Variants in GALNT13 observed in about 807,000 individuals in gnomAD.
GALNT13 encodes the protein polypeptide N-acetylgalactosaminyltransferase 13, also known as UDP-GalNAc:polypeptide N-acetylgalactosaminyltransferase 13.
GALNT13 carries 28 observed loss-of-function variants against 64.2 expected under a neutral mutation model. That is an observed-to-expected ratio of 0.44 (90% CI 0.32 to 0.60). The LOEUF (loss-of-function observed/expected upper bound fraction) is 0.60. GALNT13 is among the 20% of genes least tolerant of loss of function. The probability of loss-of-function intolerance (pLI) is 0.05; values close to 1 mark genes in which losing one functional copy is unlikely to be tolerated. For synonymous variants in GALNT13, 214 were observed against 224.6 expected (o/e 0.95, Z 0.42); for missense variants, 577 against 669.8 (o/e 0.86, Z 1.53).
intron 9 of GALNT13, among the ~76,000 whole-genome samples, chr2:154,342,380 T>TA (rs1283744741): frequency 6.6e-6 from 1 of 152,100 alleles, no homozygotes; most frequent in Non-Finnish European, 1.5e-5. Flanking sequence ...ACATTAATCT[T>TA]AAACTCCTTA....
the GALNT13 span, among the ~76,000 whole-genome samples, chr2:153,494,801 C>T: frequency 2.0e-5 from 3 of 151,872 alleles, no homozygotes; most frequent in East Asian, 3.9e-4. Flanking sequence ...AAAACTTTAG[C>T]AAAACAAAAG....
chr2:154,002,704 C>A (rs898135613), intron 3 of GALNT13, among the ~76,000 whole-genome samples: 1 of 152,076 alleles, frequency 6.6e-6, no homozygotes, highest in Non-Finnish European at 1.5e-5. Context: ...TCCTGATTTT[C>A]CCTTGTGTCT....
intron 3 of GALNT13, among the ~76,000 whole-genome samples, chr2:153,963,613 T>G (rs915149150): frequency 6.6e-6 from 1 of 152,114 alleles, no homozygotes; most frequent in Non-Finnish European, 1.5e-5. Context: ...TTTTAGCCAT[T>G]TTACTGAGTT....
chr2:153,070,798 TA>T, the GALNT13 span, among the ~76,000 whole-genome samples: 1 of 152,298 alleles, frequency 6.6e-6, no homozygotes, highest in East Asian at 1.9e-4. Flanking sequence ...ATTACGTTTA[TA>T]AAAAACCTCT....
chr2:154,378,392 GACTC>G (rs1017317451), intron 9 of GALNT13, among the ~76,000 whole-genome samples: 17 of 152,196 alleles, frequency 1.1e-4, no homozygotes, highest in African/African-American at 4.1e-4. Flanking sequence ...TAGGGAGAAG[GACTC>G]ACTTCCACAC....
In GALNT13 at chr2:154,114,222, A is replaced by T. The variant is rs114228787; in HGVS notation, c.143-26115A>T. Among the ~76,000 whole-genome samples, 169 of 152,076 alleles carry T rather than the reference A, an allele frequency of 1.1e-3. 1 individual carries two copies. The highest frequency in any genetic ancestry group is 3.9e-3 in the African/African-American group (163 of 41,496). On this transcript the variant is annotated intron_variant, in intron 3 of 12. Coordinates refer to ENST00000392825, the MANE Select transcript of GALNT13 (RefSeq NM_052917.4). ...TAATAGCTTCCATTTTGCCTTTCCC[A>T]CCATAATATCCCTCACTCTACCAGT...
rs868016523 is a variant in GALNT13 at position 154,293,431 on chromosome 2, G to A, written c.976-7978G>A. Among the ~76,000 whole-genome samples, 8 of 152,224 alleles carry A rather than the reference G, an allele frequency of 5.3e-5. No individual in the cohort carries two copies. The Middle Eastern group carries it at 0.01, about 194-fold the overall frequency. On this transcript the variant is annotated intron_variant, in intron 8 of 12. Coordinates refer to ENST00000392825, the MANE Select transcript of GALNT13 (RefSeq NM_052917.4). ...TTCTTTTTAAAAAGCAAGAATCAGC[G>A]AGTAATCTATAGATGTTGATTTCCC...
the GALNT13 span, among the ~76,000 whole-genome samples, chr2:153,329,492 C>T: frequency 2.0e-5 from 3 of 152,124 alleles, no homozygotes; most frequent in African/African-American, 7.2e-5. Flanking sequence ...GATGGTATCT[C>T]ATTTTGGTTT....
chr2:154,016,512 G>A (rs1028176555), intron 3 of GALNT13, among the ~76,000 whole-genome samples: 2 of 152,110 alleles, frequency 1.3e-5, no homozygotes, highest in Admixed American at 6.5e-5. Flanking sequence ...CCGCCTCCCT[G>A]GTTCAAGTGA....
At chr2:153,519,757 C>A in the GALNT13 span, among the ~76,000 whole-genome samples, 1 of 152,042 alleles carries the variant, frequency 6.6e-6, no homozygotes, top group Non-Finnish European at 1.5e-5. Context: ...CTGTAAGAAG[C>A]TAAAGTTAGA....
chr2:153,308,208 C>T, the GALNT13 span, among the ~76,000 whole-genome samples: 1 of 152,106 alleles, frequency 6.6e-6, no homozygotes, highest in African/African-American at 2.4e-5. Context: ...AGCACTCAAA[C>T]TAAAAAGCAA....
the GALNT13 span, among the ~76,000 whole-genome samples, chr2:153,365,053 A>G: frequency 6.6e-6 from 1 of 152,182 alleles, no homozygotes; most frequent in Non-Finnish European, 1.5e-5. Flanking sequence ...CATATAGATC[A>G]ATGGAACAGA....
chr2:153,086,718 T>TTTTA, the GALNT13 span, among the ~76,000 whole-genome samples: 1 of 127,274 alleles, frequency 7.9e-6, no homozygotes, highest in African/African-American at 2.6e-5. Context: ...ATTTTATTTA[T>TTTTA]TTTATTTTAT....
the GALNT13 span, among the ~76,000 whole-genome samples, chr2:153,724,911 A>T: frequency 3.3e-5 from 5 of 151,376 alleles, no homozygotes; most frequent in Admixed American, 6.6e-5. Context: ...TTCCTCAGGG[A>T]TCTAGAACTA....
chr2:153,993,813 G>T (rs990968672), intron 3 of GALNT13, among the ~76,000 whole-genome samples: 1 of 151,502 alleles, frequency 6.6e-6, no homozygotes. Flanking sequence ...TTCAAAAAAT[G>T]TAGGTAAACC....
At chr2:153,266,553 A>G in the GALNT13 span, among the ~76,000 whole-genome samples, 1 of 144,056 alleles carries the variant, frequency 6.9e-6, no homozygotes, top group Non-Finnish European at 1.5e-5. Flanking sequence ...AGAAGCAAGT[A>G]CCTTCTTCAC....
the GALNT13 span, among the ~76,000 whole-genome samples, chr2:153,493,072 AAAG>A: frequency 1.3e-5 from 2 of 152,160 alleles, no homozygotes; most frequent in African/African-American, 4.8e-5. Flanking sequence ...AAATGTTACA[AAAG>A]AAGGACCTAA....
In GALNT13 at chr2:153,971,705, T is replaced by A. The variant is rs375225515; in HGVS notation, c.142+27066T>A. ...CTTCACAAAATTTGCTTTTATGATG[T>A]AATTTTATAGTGCTGATAAAAATGC... On this transcript the variant is annotated intron_variant, in intron 3 of 12. Coordinates refer to ENST00000392825, the MANE Select transcript of GALNT13 (RefSeq NM_052917.4). Among the ~76,000 whole-genome samples the A allele has an allele frequency of 1.2e-3, 179 of 152,260 alleles. 5 individuals are homozygous for A. The South Asian group carries it at 0.036, about 30-fold the overall frequency.
intron 12 of GALNT13, among the ~76,000 whole-genome samples, chr2:154,448,545 A>G (rs927623658): frequency 6.6e-6 from 1 of 152,062 alleles, no homozygotes; most frequent in Non-Finnish European, 1.5e-5. Context: ...CTACATTATA[A>G]AGGAGAAGTA....
Sources: allele counts gnomAD v4.1 joint callset (sites outside exome capture counted in the v4.1 genomes callset), GRCh38; gene constraint gnomAD v4.1.1; transcripts MANE v1.5; gene names NCBI Gene and HGNC (gene_info 2026-07-23, HGNC 2026-07-21).